RFTN1: variants seen among roughly 807,000 people sequenced by gnomAD.
RFTN1 encodes the protein raftlin, lipid raft linker 1.
RFTN1 carries 26 observed loss-of-function variants against 46.5 expected under a neutral mutation model. The ratio of observed to expected loss-of-function variants is 0.56; its 90% CI spans 0.41 to 0.78. RFTN1 has a LOEUF of 0.78. RFTN1 is among the 30% of genes least tolerant of loss of function. The pLI is 0.00. For missense variants in RFTN1, 693 were observed against 718.7 expected (o/e 0.96, Z 0.41); for synonymous variants, 261 against 284.2 (o/e 0.92, Z 0.82).
At chr3:16,347,155 A>G (rs967256957) in intron 7 of RFTN1, among the ~76,000 whole-genome samples, 6 of 152,072 alleles carry the variant, frequency 3.9e-5, no homozygotes, top group Non-Finnish European at 8.8e-5. Context: ...AAATCCCACT[A>G]TGGCTCCCTT....
Position 16,409,388 on chromosome 3 carries a change from T to C in RFTN1, c.428A>G (p.Glu143Gly). 1 of 1,609,824 alleles carries C rather than the reference T, an allele frequency of 6.2e-7. No individual in the cohort carries two copies. The highest frequency in any genetic ancestry group is 8.5e-7 in the Non-Finnish European group (1 of 1,176,194). ...DHPTDQKLIP[E>G]FIKKIQEAAS... Reference sequence around the variant, plus strand: ...TGTAGCGCTCACCTTCTTAATGAACTCTGGGATGAGTTTCTGGTCTGTCGG... The same window carrying C: ...TGTAGCGCTCACCTTCTTAATGAACCCTGGGATGAGTTTCTGGTCTGTCGG... The change falls in exon 4 of 10, where the codon GAG (glutamate) becomes GGG (glycine). Residue 143 changes from glutamate to glycine, a missense_variant. Coordinates refer to ENST00000334133, the MANE Select transcript of RFTN1 (RefSeq NM_015150.2).
At chr3:16,467,523 C>T (rs1460503288) in intron 2 of RFTN1, among the ~76,000 whole-genome samples, 1 of 152,202 alleles carries the variant, frequency 6.6e-6, no homozygotes, top group African/African-American at 2.4e-5. Flanking sequence ...GATCCTCAAA[C>T]ATGCCAAGCA....
At chr3:16,330,978 G>A (rs113270622) in intron 7 of RFTN1, among the ~76,000 whole-genome samples, 1 of 152,206 alleles carries the variant, frequency 6.6e-6, no homozygotes, top group African/African-American at 2.4e-5. Flanking sequence ...AAGCAATCTA[G>A]GAGAAAAGGA....
At position 16,327,462 on chromosome 3, in the gene RFTN1, T is replaced by G. The variant is rs916767575; in HGVS notation, c.1147-586A>C. 2.0e-5 allele frequency among the ~76,000 whole-genome samples: 3 copies of G among 152,084 alleles called. No individual in the cohort carries two copies. Among genetic ancestry groups the G allele is most frequent in the Admixed American group, 1.3e-4 (2 of 15,278 alleles). ...GGGGAACTAACATTTGTCTTTCAGT[T>G]AAAAAACTCAGCCCCGGCCGGGTGC... On this transcript the variant is annotated intron_variant, in intron 7 of 9. Transcript: ENST00000334133. This position sits in a 1 kb window ranked among gnomAD's most constrained non-coding sequence, Gnocchi z 4.2.
At chr3:16,388,317 G>A (rs747178837) in intron 4 of RFTN1, among the ~76,000 whole-genome samples, 18 of 152,156 alleles carry the variant, frequency 1.2e-4, no homozygotes, top group Non-Finnish European at 7.4e-5. Flanking sequence ...CTCAGCATCT[G>A]GAACTGTTCC....
chr3:16,469,324 G>C (rs959657186), intron 2 of RFTN1, among the ~76,000 whole-genome samples: 2 of 152,182 alleles, frequency 1.3e-5, no homozygotes, highest in African/African-American at 4.8e-5. Flanking sequence ...TATGTGAGTC[G>C]GTTGTTGTTA....
chr3:16,428,090 T>G lies in RFTN1; in HGVS notation c.332+5761A>C, dbSNP rs1232359959. 6.6e-6 allele frequency among the ~76,000 whole-genome samples: 1 copy of G among 152,190 alleles called. No homozygotes were observed. Among genetic ancestry groups the G allele is most frequent in the African/African-American group, 2.4e-5 (1 of 41,440 alleles). ...GGAGCTCCTTAGAGTCATCTTTGCA[T>G]AGTGAAATTACATATACATATTTAC... On this transcript the variant is annotated intron_variant, in intron 3 of 9. Coordinates refer to ENST00000334133, the MANE Select transcript of RFTN1 (RefSeq NM_015150.2). This position sits in a 1 kb window ranked among gnomAD's most constrained non-coding sequence, Gnocchi z 4.7.
At chr3:16,431,246 G>A (rs1347611570) in intron 3 of RFTN1, among the ~76,000 whole-genome samples, 1 of 152,196 alleles carries the variant, frequency 6.6e-6, no homozygotes, top group Non-Finnish European at 1.5e-5. Flanking sequence ...GCTCTCCTAG[G>A]AGTAAAGTGG....
rs575198547 is a variant in RFTN1 at position 16,473,566 on chromosome 3, A to G, written c.145+20159T>C. Reference sequence around the variant, plus strand: ...CAGGCATGCACCGCCCTGCCTGGCTAATTTTTTTGTATTTTTTTTTAGTAG... The same window carrying G: ...CAGGCATGCACCGCCCTGCCTGGCTGATTTTTTTGTATTTTTTTTTAGTAG... On this transcript the variant is annotated intron_variant, in intron 2 of 9. Transcript: ENST00000334133. The surrounding 1 kb of genome is among the most constrained non-coding windows in gnomAD (Gnocchi z 5.3). Among the ~76,000 whole-genome samples, 1 of 151,524 alleles carries G rather than the reference A, an allele frequency of 6.6e-6. No individual in the cohort carries two copies. The highest frequency in any genetic ancestry group is 1.9e-4 in the East Asian group (1 of 5,144).
rs1176977071 is a variant in RFTN1 at position 16,446,999 on chromosome 3, A to G, written c.146-12962T>C. The stretch of plus-strand genomic sequence containing the variant: ...ACTAGTTTCAAGAGGCTTATGACAG[A>G]ATAAATTCCACACTCTGGGGGCTTG... On this transcript the variant is annotated intron_variant, in intron 2 of 9. Coordinates refer to ENST00000334133, the MANE Select transcript of RFTN1 (RefSeq NM_015150.2). The surrounding 1 kb of genome is among the most constrained non-coding windows in gnomAD (Gnocchi z 4.5). Among the ~76,000 whole-genome samples the G allele has an allele frequency of 6.6e-6, 1 of 152,232 alleles. No homozygotes were observed. The highest frequency in any genetic ancestry group is 1.9e-4 in the East Asian group (1 of 5,202).
Position 16,351,503 on chromosome 3 carries a change from A to G in RFTN1, c.1146+6429T>C, listed in dbSNP as rs1376077399. On this transcript the variant is annotated intron_variant, in intron 7 of 9. Transcript: ENST00000334133. The surrounding 1 kb of genome is among the most constrained non-coding windows in gnomAD (Gnocchi z 5.4). ...GGAGAAGAGCTGACTCCAGAGCCTC[A>G]TGACAAAGTCTGCGGGGTTGCAGAG... Among the ~76,000 whole-genome samples the G allele has an allele frequency of 1.3e-5, 2 of 152,234 alleles. No individual in the cohort carries two copies. The highest frequency in any genetic ancestry group is 2.4e-5 in the African/African-American group (1 of 41,470).
At position 16,407,695 on chromosome 3, in the gene RFTN1, C is replaced by G. The variant is rs2074892089; in HGVS notation, c.441+1680G>C. Among the ~76,000 whole-genome samples, 1 of 152,070 alleles carries G rather than the reference C, an allele frequency of 6.6e-6. No homozygotes were observed. On this transcript the variant is annotated intron_variant, in intron 4 of 9. Coordinates refer to ENST00000334133, the MANE Select transcript of RFTN1 (RefSeq NM_015150.2). The surrounding 1 kb of genome is among the most constrained non-coding windows in gnomAD (Gnocchi z 4.0). ...TACAAGTTGATTATTTGCAGCAATCCAAACAAAGATAGCTCTATTTCTATA... is the reference window on the plus strand; with the variant it reads ...TACAAGTTGATTATTTGCAGCAATCGAAACAAAGATAGCTCTATTTCTATA...
chr3:16,384,251 C>T lies in RFTN1; in HGVS notation c.442-6149G>A, dbSNP rs2074090480. On this transcript the variant is annotated intron_variant, in intron 4 of 9. Transcript: ENST00000334133. This position sits in a 1 kb window ranked among gnomAD's most constrained non-coding sequence, Gnocchi z 4.7. ...CCTGCAGATGTCAGACTTGTTGGCC[C>T]CCACTATCACATGAGCCAGTTCCTT... is the stretch of plus-strand genomic sequence containing the variant. Among the ~76,000 whole-genome samples, 1 of 152,196 alleles carries T rather than the reference C, an allele frequency of 6.6e-6. No homozygotes were observed. Among genetic ancestry groups the T allele is most frequent in the Admixed American group, 6.5e-5 (1 of 15,284 alleles).
In RFTN1 at chr3:16,335,776, T is replaced by A. The variant is rs1195473914; in HGVS notation, c.1147-8900A>T. 8.8e-5 allele frequency among the ~76,000 whole-genome samples: 12 copies of A among 136,658 alleles called. No individual in the cohort carries two copies. Among genetic ancestry groups the A allele is most frequent in the South Asian group, 2.4e-4 (1 of 4,144 alleles). The allele number at this position is 136,658 out of a possible 152,430, so 89.7% of individuals were successfully genotyped here. A position where few individuals can be genotyped will look rare whatever the true frequency, so the allele number is the denominator to read the frequency against. On this transcript the variant is annotated intron_variant, in intron 7 of 9. Transcript: ENST00000334133. This position sits in a 1 kb window ranked among gnomAD's most constrained non-coding sequence, Gnocchi z 4.7. ...ATCCTGCACTTGCACCCTGGAACTT[T>A]AAAAAAAAAAAAAAAAAAAGGAGTT...
chr3:16,369,917 G>C (rs1459117663), intron 6 of RFTN1, among the ~76,000 whole-genome samples, 159 bp downstream of exon 6: 6 of 152,204 alleles, frequency 3.9e-5, no homozygotes, highest in Non-Finnish European at 5.9e-5. Flanking sequence ...GGGCTTTATG[G>C]AAAGTTCCTC....
In RFTN1 at chr3:16,387,570, T is replaced by TTATCTCTCTCTCTCTC. The variant is rs2074223332; in HGVS notation, c.442-9469_442-9468insGAGAGAGAGAGAGATA. On this transcript the variant is annotated intron_variant, in intron 4 of 9. Coordinates refer to ENST00000334133, the MANE Select transcript of RFTN1 (RefSeq NM_015150.2). The surrounding 1 kb of genome is among the most constrained non-coding windows in gnomAD (Gnocchi z 5.2). Reference sequence around the variant, plus strand: ...CACTTCTCTCTTCTATATCCTCAATTTCTCTCTCTCTCTCTCTCTCTCTCT... The same window carrying TTATCTCTCTCTCTCTC: ...CACTTCTCTCTTCTATATCCTCAATTTATCTCTCTCTCTCTCTCTCTCTCTCTCTCTCTCTCTCTCT... 8.6e-6 allele frequency among the ~76,000 whole-genome samples: 1 copy of TTATCTCTCTCTCTCTC among 116,418 alleles called. No homozygotes were observed. Among genetic ancestry groups the TTATCTCTCTCTCTCTC allele is most frequent in the African/African-American group, 3.9e-5 (1 of 25,514 alleles). The allele number at this position is 116,418 out of a possible 152,430, so 76.4% of individuals were successfully genotyped here.
intron 2 of RFTN1, chr3:16,434,905 C>T (rs2075472586): frequency 6.6e-6 from 1 of 152,062 alleles, no homozygotes; most frequent in South Asian, 2.1e-4. Flanking sequence ...AAAAGGCTAA[C>T]CAATATTTGA....
intron 1 of RFTN1, among the ~76,000 whole-genome samples, chr3:16,501,044 A>G (rs2076702430): frequency 6.6e-6 from 1 of 152,162 alleles, no homozygotes; most frequent in African/African-American, 2.4e-5. Flanking sequence ...GGCCGAGGTG[A>G]GAGAGTCTTT....
Position 16,506,778 on chromosome 3 carries a change from T to C in RFTN1, c.-9+6664A>G, listed in dbSNP as rs1266005655. Among the ~76,000 whole-genome samples the C allele has an allele frequency of 6.6e-6, 1 of 152,106 alleles. No homozygotes were observed. Among genetic ancestry groups the C allele is most frequent in the Non-Finnish European group, 1.5e-5 (1 of 68,020 alleles). ...TCATCTCCCTACATGACAGTAAATTTCTGGAAGGCAGCAAGCGGGTCTTCT... is the reference window on the plus strand; with the variant it reads ...TCATCTCCCTACATGACAGTAAATTCCTGGAAGGCAGCAAGCGGGTCTTCT... On this transcript the variant is annotated intron_variant, in intron 1 of 9. Transcript: ENST00000334133. This position sits in a 1 kb window ranked among gnomAD's most constrained non-coding sequence, Gnocchi z 4.8.
Sources: gnomAD v4.1 joint callset for allele counts (sites outside exome capture counted in the v4.1 genomes callset) on GRCh38, gnomAD v4.1.1 for gene constraint, Gnocchi (gnomAD v3.1) non-coding constraint, MANE v1.5 for transcripts, NCBI Gene and HGNC (gene_info 2026-07-23, HGNC 2026-07-21) for gene names.